The following SSH2 variants were observed in gnomAD, a reference collection of about 807,000 sequenced individuals.
The protein encoded by SSH2 is protein phosphatase Slingshot homolog 2.
SSH2 carries 37 observed loss-of-function variants against 135.2 expected under a neutral mutation model. The ratio of observed to expected loss-of-function variants is 0.27; its 90% CI spans 0.21 to 0.36. The LOEUF (loss-of-function observed/expected upper bound fraction) is 0.36, where lower values mean the gene tolerates loss of function less well. SSH2 is among the 10% of genes least tolerant of loss of function. SSH2 has a pLI of 1.00. For missense variants in SSH2, 1,408 were observed against 1,765.3 expected (o/e 0.80, Z 3.63); for synonymous variants, 628 against 646.2 (o/e 0.97, Z 0.43).
intron 3 of SSH2, among the ~76,000 whole-genome samples, chr17:29,742,481 G>GTTTTTTTTTTTT (rs35446491): frequency 1.1e-5 from 1 of 90,652 alleles, no homozygotes; most frequent in Non-Finnish European, 2.0e-5. Context: ...ACCACACCCA[G>GTTTTTTTTTTTT]TTTTTTTTTT....
intron 3 of SSH2, among the ~76,000 whole-genome samples, chr17:29,728,294 A>G (rs2040069236): frequency 6.6e-6 from 1 of 152,258 alleles, no homozygotes. Flanking sequence ...TTTAAGAAGT[A>G]ATACCATTTA....
At chr17:29,742,099 T>A (rs2040579057) in intron 3 of SSH2, among the ~76,000 whole-genome samples, 1 of 151,802 alleles carries the variant, frequency 6.6e-6, no homozygotes, top group Non-Finnish European at 1.5e-5. Context: ...CATGTCCGAT[T>A]AATTTTTTGT....
At chr17:29,842,881 T>C (rs1481888548) in intron 2 of SSH2, among the ~76,000 whole-genome samples, 1 of 152,176 alleles carries the variant, frequency 6.6e-6, no homozygotes, top group African/African-American at 2.4e-5. Flanking sequence ...ATTCAAGTAA[T>C]CCTAAACTCC....
chr17:29,855,411 C>A (rs533757396), intron 1 of SSH2, among the ~76,000 whole-genome samples: 1 of 151,972 alleles, frequency 6.6e-6, no homozygotes, highest in African/African-American at 2.4e-5. Flanking sequence ...GGGCTGAGGT[C>A]GGAGGATCGC....
In SSH2 at chr17:29,767,753, A is replaced by G. The variant is rs78569664; in HGVS notation, c.188+26141T>C. 3.9e-5 allele frequency among the ~76,000 whole-genome samples: 6 copies of G among 152,208 alleles called. No homozygotes were observed. In the East Asian group the frequency reaches 9.6e-4, roughly 24 times the overall value. On this transcript the variant is annotated intron_variant, in intron 3 of 15. Transcript: ENST00000540801. Reference sequence around the variant, plus strand: ...GTCTCCCTCATTCTTTTAAAGGAGTATAAGGCATTTTATTGTACAATCATA... The same window carrying G: ...GTCTCCCTCATTCTTTTAAAGGAGTGTAAGGCATTTTATTGTACAATCATA...
chr17:29,694,140 C>T (rs1277765734), intron 5 of SSH2, among the ~76,000 whole-genome samples: 3 of 151,890 alleles, frequency 2.0e-5, no homozygotes, highest in African/African-American at 7.3e-5. Flanking sequence ...TATATGTGGC[C>T]CAAGACAATT....
Position 29,631,722 on chromosome 17 carries a change from A to G in SSH2, c.3472T>C (p.Tyr1158His). 6.2e-7 allele frequency: 1 copy of G among 1,614,188 alleles called. No homozygotes were observed. The highest frequency in any genetic ancestry group is 8.5e-7 in the Non-Finnish European group (1 of 1,180,036). ...TTHLLSASLD[Y>H]LHPQTMVHLE... ...TGAACCATAGTCTGGGGATGCAGGT[A>G]ATCCAAACTGGCAGACAGTAAATGG... Residue 1158 changes from tyrosine to histidine, a missense_variant, in exon 16 of 16, where the codon TAC becomes CAC. Physicochemically the swap from Tyr to His is moderately conservative, Grantham distance 83 (BLOSUM62 2). This residue lies in a region of SSH2 where 1,080 missense variants were observed against 1,144.5 expected (regional missense o/e 0.94). Transcript: ENST00000540801.
At chr17:29,656,465 C>A (rs1043563857) in intron 11 of SSH2, among the ~76,000 whole-genome samples, 2 of 152,076 alleles carry the variant, frequency 1.3e-5, no homozygotes, top group East Asian at 3.8e-4. Flanking sequence ...TGTGAGACAC[C>A]GCGCAGGGCC....
At chr17:29,831,078 C>CA (rs2042836510) in intron 2 of SSH2, among the ~76,000 whole-genome samples, 1 of 152,166 alleles carries the variant, frequency 6.6e-6, no homozygotes. Flanking sequence ...ACAGGATAAG[C>CA]CATAAATTCT....
At chr17:29,654,685 CT>C (rs2036712272) in intron 12 of SSH2, among the ~76,000 whole-genome samples, 1 of 152,202 alleles carries the variant, frequency 6.6e-6, no homozygotes. Flanking sequence ...AAAATGGCAG[CT>C]TTTTACTTGC....
In SSH2 at chr17:29,631,892, T is replaced by C; in HGVS notation, c.3302A>G (p.Gln1101Arg). Residue 1101 changes from glutamine to arginine, a missense_variant, in exon 16 of 16, where the codon CAA (glutamine) becomes CGA (arginine). Around this residue, in one of 3 missense-constraint regions of SSH2, gnomAD observed 1,080 missense variants for 1,144.5 expected, o/e 0.94. Coordinates refer to ENST00000540801, the MANE Select transcript of SSH2 (RefSeq NM_001282129.2). ...GGAAGAATGAGGCAGAGGTAGCACT[T>C]GGGGGTGCAGAGAAACCTGGTTGGG... Reference protein sequence around the residue: ...LDPNQVSLHPQVLPLPHSSSP... With the variant: ...LDPNQVSLHPRVLPLPHSSSP... 1 of 1,614,124 alleles carries C rather than the reference T, an allele frequency of 6.2e-7. No individual in the cohort carries two copies.
intron 3 of SSH2, among the ~76,000 whole-genome samples, chr17:29,717,741 G>A (rs2039675210): frequency 1.3e-5 from 2 of 152,170 alleles, no homozygotes; most frequent in Admixed American, 1.3e-4. Context: ...GAACATTAAA[G>A]GCAGTGGGGG....
intron 1 of SSH2, among the ~76,000 whole-genome samples, chr17:29,875,622 C>T (rs532696989): frequency 6.6e-6 from 1 of 152,284 alleles, no homozygotes; most frequent in South Asian, 2.1e-4. Flanking sequence ...TCTGTAAAGC[C>T]TCACATGATT....
chr17:29,761,679 A>G (rs564633532), intron 3 of SSH2, among the ~76,000 whole-genome samples: 35 of 152,270 alleles, frequency 2.3e-4, no homozygotes, highest in Non-Finnish European at 4.3e-4. Context: ...GGATGTTTCA[A>G]CAGAAAAGTC....
At chr17:29,861,174 T>C (rs2065758539) in intron 1 of SSH2, among the ~76,000 whole-genome samples, 1 of 152,200 alleles carries the variant, frequency 6.6e-6, no homozygotes, top group African/African-American at 2.4e-5. Flanking sequence ...ATTCTACAGG[T>C]TGTCTGTTCA....
intron 11 of SSH2, among the ~76,000 whole-genome samples, chr17:29,664,787 TG>T (rs1297368543): frequency 6.6e-6 from 1 of 152,186 alleles, no homozygotes; most frequent in Non-Finnish European, 1.5e-5. Context: ...AATGTAATTT[TG>T]GGGAAATTAG....
chr17:29,675,933 T>C (rs2037696226), intron 8 of SSH2: 1 of 152,166 alleles, frequency 6.6e-6, no homozygotes, highest in Admixed American at 6.5e-5. Context: ...GGGCTAATAA[T>C]ATTATTTTGG....
intron 4 of SSH2, among the ~76,000 whole-genome samples, chr17:29,698,487 T>A (rs920763610): frequency 2.0e-5 from 3 of 152,128 alleles, no homozygotes; most frequent in African/African-American, 7.2e-5. Context: ...GGATACTTTT[T>A]ATTTTATTTT....
chr17:29,905,088 C>T (rs558331651), intron 1 of SSH2, among the ~76,000 whole-genome samples: 1 of 152,202 alleles, frequency 6.6e-6, no homozygotes, highest in South Asian at 2.1e-4. Flanking sequence ...TTAATAGATT[C>T]AATGCTACAC....
Sources: gnomAD v4.1 joint callset for allele counts (sites outside exome capture counted in the v4.1 genomes callset) on GRCh38, gnomAD v4.1.1 for gene constraint, gnomAD v4.1.1 regional missense constraint, MANE v1.5 for transcripts, NCBI Gene and HGNC (gene_info 2026-07-23, HGNC 2026-07-21) for gene names.